The following IL7 variants were observed in gnomAD, a reference collection of about 807,000 sequenced individuals.
IL7 encodes interleukin 7.
In IL7, 3 loss-of-function variants were observed where a neutral mutation model predicts 21.6. The ratio of observed to expected loss-of-function variants is 0.14; its 90% CI spans 0.06 to 0.36. IL7 has a LOEUF of 0.36. Ranked by LOEUF, IL7 falls within the 10% of genes least tolerant of loss-of-function variation. The pLI, the probability that IL7 is intolerant of heterozygous loss-of-function variation, is 1.00. For synonymous variants in IL7, 62 were observed against 68.1 expected, an observed-to-expected ratio of 0.91 and a Z score of 0.44; for missense variants, 175 against 200.2, an observed-to-expected ratio of 0.87 and a Z score of 0.76.
chr8:78,732,486 A>T (rs998984297), downstream of IL7, among the ~76,000 whole-genome samples: 1 of 152,110 alleles, frequency 6.6e-6, no homozygotes, highest in Admixed American at 6.6e-5. Context: ...AGCATGAAGG[A>T]TGTGAGTTCA....
intron 3 of IL7, among the ~76,000 whole-genome samples, chr8:78,706,498 T>C (rs555376814): frequency 5.3e-5 from 8 of 152,264 alleles, no homozygotes; most frequent in African/African-American, 1.7e-4. Flanking sequence ...CAAAGATCCG[T>C]TGGAGAAGCG....
At chr8:78,684,773 A>T (rs1425648308) in intron 4 of IL7, among the ~76,000 whole-genome samples, 1 of 152,202 alleles carries the variant, frequency 6.6e-6, no homozygotes, top group Non-Finnish European at 1.5e-5. Flanking sequence ...AACACAAAGT[A>T]TGAAATATTT....
At chr8:78,798,944 A>G (rs569452817) in intron 1 of IL7, among the ~76,000 whole-genome samples, 3 of 152,202 alleles carry the variant, frequency 2.0e-5, no homozygotes, top group Admixed American at 2.0e-4. Flanking sequence ...AATGATTTCT[A>G]TCTGTTTTTG....
At chr8:78,755,827 C>T (rs1296535217) in intron 2 of IL7, among the ~76,000 whole-genome samples, 1 of 152,014 alleles carries the variant, frequency 6.6e-6, no homozygotes, top group Non-Finnish European at 1.5e-5. Flanking sequence ...TTATTTCTTT[C>T]TCTTGCCTAA....
chr8:78,685,204 T>G (rs1033818434), intron 4 of IL7, among the ~76,000 whole-genome samples: 2 of 151,766 alleles, frequency 1.3e-5, no homozygotes, highest in African/African-American at 4.8e-5. Context: ...AATTCTGTTG[T>G]GGGGGGACAG....
intron 2 of IL7, among the ~76,000 whole-genome samples, chr8:78,747,596 T>C (rs543745866): frequency 1.2e-3 from 177 of 152,338 alleles, no homozygotes; most frequent in Non-Finnish European, 2.2e-3. Context: ...CTATCTCAAT[T>C]GCTACAATTT....
intron 5 of IL7, 63 bp from the exon 6 acceptor site, chr8:78,733,895 A>G (rs753943435): frequency 1.8e-6 from 2 of 1,122,130 alleles, no homozygotes; most frequent in Non-Finnish European, 2.4e-6. Context: ...ATTTTAAAAT[A>G]CTATTTTTCA....
chr8:78,700,831 T>G (rs1022781484), intron 3 of IL7, among the ~76,000 whole-genome samples: 7 of 152,196 alleles, frequency 4.6e-5, no homozygotes, highest in African/African-American at 1.7e-4. Context: ...TGGTCTTACT[T>G]CTGGGCTTGC....
chr8:78,687,845 A>G lies in IL7; in HGVS notation n.215-1898T>C, dbSNP rs1200640600. On this transcript the variant is annotated intron_variant and non_coding_transcript_variant, in intron 3 of 4. Coordinates refer to the IL7 transcript ENST00000523959. ...TATATTCATGTAATAAATTATATATATATTTATATAATATATATCTATATA... is the reference window on the plus strand; with the variant it reads ...TATATTCATGTAATAAATTATATATGTATTTATATAATATATATCTATATA... Among the ~76,000 whole-genome samples, 3 of 107,032 alleles carry G rather than the reference A, an allele frequency of 2.8e-5. 1 individual carries two copies. The highest frequency in any genetic ancestry group is 7.1e-4 in the South Asian group (2 of 2,834). 70.2% of individuals were successfully genotyped at this position (107,032 alleles called of 152,430 possible). A position where few individuals can be genotyped will look rare whatever the true frequency, so the allele number is the denominator to read the frequency against.
chr8:78,785,334 T>C (rs1244613416), intron 2 of IL7, among the ~76,000 whole-genome samples: 1 of 152,202 alleles, frequency 6.6e-6, no homozygotes, highest in Non-Finnish European at 1.5e-5. Flanking sequence ...ATCACTATCA[T>C]CTCTTCTTAT....
Position 78,798,164 on chromosome 8 carries a change from G to A in IL7, c.55C>T (p.Leu19=). 1 of 1,611,440 alleles carries A rather than the reference G, an allele frequency of 6.2e-7. No individual in the cohort carries two copies. Among genetic ancestry groups the A allele is most frequent in the Non-Finnish European group, 8.5e-7 (1 of 1,177,954 alleles). Residue 19 remains leucine (L), a synonymous_variant, in exon 2 of 6, where the codon CTG becomes TTG. Coordinates refer to ENST00000263851, the MANE Select transcript of IL7 (RefSeq NM_000880.4). ...CAATCAGATGATGCTACTGGCAACA[G>A]AACAAGGATCAGGGGAGGAAGTCCA... ...IFGLPPLILV[L]LPVASSDCDI...
At chr8:78,711,948 G>A in intron 3 of IL7, 2 of 1,198,778 alleles carry the variant, frequency 1.7e-6, no homozygotes, top group South Asian at 1.3e-5. Flanking sequence ...TAAAGAAGCA[G>A]TAGCAATCTC....
Position 78,798,108 on chromosome 8 carries a change from A to G in IL7, c.111T>C (p.Tyr37=), listed in dbSNP as rs200683891. ...CGATGCTGACCATTAGAACACTCTC[A>G]TATTGTTTGCCATCTTTACCTTCAA... ...CDIEGKDGKQ[Y]ESVLMVSIDQ... The change falls in exon 2 of 6, where the codon TAT becomes TAC. Residue 37 remains tyrosine, a synonymous_variant. Coordinates refer to ENST00000263851, the MANE Select transcript of IL7 (RefSeq NM_000880.4). 1.9e-4 allele frequency: 303 copies of G among 1,612,228 alleles called. 3 individuals are homozygous for G. The East Asian group carries it at 6.3e-3, about 33-fold the overall frequency.
intron 3 of IL7, among the ~76,000 whole-genome samples, chr8:78,708,186 A>G (rs1028474827): frequency 8.5e-5 from 13 of 152,224 alleles, no homozygotes; most frequent in Non-Finnish European, 1.5e-4. Flanking sequence ...GTAATGCTCA[A>G]TAAATTGAGC....
At chr8:78,705,789 GT>G in intron 3 of IL7, among the ~76,000 whole-genome samples, 1 of 152,206 alleles carries the variant, frequency 6.6e-6, no homozygotes, top group Non-Finnish European at 1.5e-5. Flanking sequence ...CTGGCTGGAG[GT>G]CCCAGTTGGG....
intron 4 of IL7, among the ~76,000 whole-genome samples, chr8:78,680,613 A>G (rs1563622672): frequency 6.6e-6 from 1 of 152,198 alleles, no homozygotes; most frequent in African/African-American, 2.4e-5. Context: ...GGGCAAAGCA[A>G]CTACAAACTT....
chr8:78,746,121 A>G (rs1341571877), intron 2 of IL7, among the ~76,000 whole-genome samples: 1 of 152,178 alleles, frequency 6.6e-6, no homozygotes, highest in Non-Finnish European at 1.5e-5. Context: ...CTGGGTGGCC[A>G]TTATTTAGCC....
chr8:78,754,242 T>A (rs969361678), intron 2 of IL7, among the ~76,000 whole-genome samples: 3 of 148,880 alleles, frequency 2.0e-5, no homozygotes, highest in African/African-American at 7.4e-5. Flanking sequence ...CAAGCATCCC[T>A]ATAAACCAAT....
chr8:78,794,158 T>C (rs1359958592), intron 2 of IL7, among the ~76,000 whole-genome samples: 4 of 152,104 alleles, frequency 2.6e-5, no homozygotes, highest in Non-Finnish European at 2.9e-5. Flanking sequence ...CCTCCTCCCA[T>C]GAATCACAAA....
Sources: gnomAD v4.1 joint callset for allele counts (sites outside exome capture counted in the v4.1 genomes callset) on GRCh38, gnomAD v4.1.1 for gene constraint, MANE v1.5 for transcripts, NCBI Gene and HGNC (gene_info 2026-07-23, HGNC 2026-07-21) for gene names.